Variants in AGPAT4 observed in about 807,000 individuals in gnomAD.
AGPAT4 encodes 1-acyl-sn-glycerol-3-phosphate acyltransferase delta.
A neutral mutation model predicts 48.0 loss-of-function variants in AGPAT4; 15 were observed. The observed-to-expected ratio is 0.31, with a 90% confidence interval of 0.21 to 0.48. AGPAT4 has a LOEUF of 0.48. AGPAT4 is among the 20% of genes least tolerant of loss of function. AGPAT4 has a pLI of 0.99. For missense variants in AGPAT4, 314 were observed against 482.5 expected (o/e 0.65, Z 3.27); for synonymous variants, 178 against 198.7 (o/e 0.90, Z 0.88).
At chr6:161,207,528 G>A (rs1012318788) in intron 2 of AGPAT4, among the ~76,000 whole-genome samples, 44 of 152,188 alleles carry the variant, frequency 2.9e-4, no homozygotes, top group African/African-American at 1.1e-3. Context: ...ATTTATCAGT[G>A]CCTGCAAGGT....
chr6:161,136,567 A>AGAGT lies in AGPAT4; in HGVS notation c.1106_1109dup (p.Asp371LeufsTer2). ...AGTCATTCAGTTTCTGCTTGCTGTC[A>AGAGT]GAGTTGCCGTAGGCAGAGCCCTTGT... On this transcript the variant is annotated frameshift_variant, in exon 9 of 9. Transcript: ENST00000320285. LOFTEE classifies it high-confidence loss of function. 6.2e-7 allele frequency: 1 copy of AGAGT among 1,614,190 alleles called. No homozygotes were observed. The highest frequency in any genetic ancestry group is 8.5e-7 in the Non-Finnish European group (1 of 1,180,040).
chr6:161,205,200 G>A (rs1337898790), intron 2 of AGPAT4, among the ~76,000 whole-genome samples: 1 of 152,112 alleles, frequency 6.6e-6, no homozygotes, highest in Non-Finnish European at 1.5e-5. Context: ...CTCCCTCCTG[G>A]CTGCCCCACC....
Position 161,264,463 on chromosome 6 carries a change from C to G in AGPAT4, c.-90+9475G>C, listed in dbSNP as rs953336744. Among the ~76,000 whole-genome samples, 4 of 152,212 alleles carry G rather than the reference C, an allele frequency of 2.6e-5. No individual in the cohort carries two copies. Among genetic ancestry groups the G allele is most frequent in the African/African-American group, 7.2e-5 (3 of 41,454 alleles). On this transcript the variant is annotated intron_variant, in intron 1 of 8. Transcript: ENST00000320285. The surrounding 1 kb of genome is among the most constrained non-coding windows in gnomAD (Gnocchi z 6.8). Reference sequence around the variant, plus strand: ...TGCACACTGGGACCAATACTCCCCACTTCCAGACCTAACGTGGGGGCTGTT... The same window carrying G: ...TGCACACTGGGACCAATACTCCCCAGTTCCAGACCTAACGTGGGGGCTGTT...
rs1156463420 is a variant in AGPAT4, at chr6:161,159,837, G to T, written c.349-5527C>A. ...TTTTTGTATTGTTAGTAGAGACGGG[G>T]TTTCACCATGTTGGCTAGTCTGGTC... On this transcript the variant is annotated intron_variant, in intron 3 of 8. Coordinates refer to ENST00000320285, the MANE Select transcript of AGPAT4 (RefSeq NM_020133.3). The surrounding 1 kb of genome is among the most constrained non-coding windows in gnomAD (Gnocchi z 4.1). Among the ~76,000 whole-genome samples, 1 of 151,768 alleles carries T rather than the reference G, an allele frequency of 6.6e-6. No individual in the cohort carries two copies. The highest frequency in any genetic ancestry group is 1.5e-5 in the Non-Finnish European group (1 of 67,980).
At chr6:161,176,855 A>C (rs1780444096) in intron 2 of AGPAT4, among the ~76,000 whole-genome samples, 2 of 152,146 alleles carry the variant, frequency 1.3e-5, no homozygotes, top group African/African-American at 4.8e-5. Flanking sequence ...AAAATCTCTC[A>C]GCATTTGCTT....
At chr6:161,271,102 A>G (rs1783409492) in intron 1 of AGPAT4, among the ~76,000 whole-genome samples, 1 of 152,200 alleles carries the variant, frequency 6.6e-6, no homozygotes, top group South Asian at 2.1e-4. Context: ...TCTGATTAAG[A>G]AAAACTTCTG....
rs1025609630 is a variant in AGPAT4, at chr6:161,254,081, C to T, written c.-90+19857G>A. On this transcript the variant is annotated intron_variant, in intron 1 of 8. Coordinates refer to ENST00000320285, the MANE Select transcript of AGPAT4 (RefSeq NM_020133.3). This position sits in a 1 kb window ranked among gnomAD's most constrained non-coding sequence, Gnocchi z 5.9. ...GGGGTTAGTGAGATAATAGGAAATA[C>T]TCATTTTCTTCTTTATGCTTCTCTG... 2.0e-5 allele frequency among the ~76,000 whole-genome samples: 3 copies of T among 152,160 alleles called. No homozygotes were observed. Among genetic ancestry groups the T allele is most frequent in the African/African-American group, 7.2e-5 (3 of 41,436 alleles).
chr6:161,182,552 C>T (rs1780632931), intron 2 of AGPAT4, among the ~76,000 whole-genome samples: 1 of 152,224 alleles, frequency 6.6e-6, no homozygotes, highest in African/African-American at 2.4e-5. Context: ...TCACCCCAGC[C>T]CCTTGAGGTG....
At chr6:161,160,934 C>A in intron 3 of AGPAT4, 1 of 452,722 alleles carries the variant, frequency 2.2e-6, no homozygotes, top group Non-Finnish European at 4.5e-6. Context: ...GCCCAGCACC[C>A]CAGCACCCTA....
chr6:161,138,014 A>G lies in AGPAT4; in HGVS notation c.1043-1380T>C, dbSNP rs1209250647. On this transcript the variant is annotated intron_variant, in intron 8 of 8. Transcript: ENST00000320285. The surrounding 1 kb of genome is among the most constrained non-coding windows in gnomAD (Gnocchi z 4.8). ...CTTCATCCTGAAGGGGCCCCTCTCCAAGACGGCGTGGGTGTGTGTGTGCCT... is the reference window on the plus strand; with the variant it reads ...CTTCATCCTGAAGGGGCCCCTCTCCGAGACGGCGTGGGTGTGTGTGTGCCT... 2.0e-5 allele frequency among the ~76,000 whole-genome samples: 3 copies of G among 152,124 alleles called. No homozygotes were observed. Among genetic ancestry groups the G allele is most frequent in the Admixed American group, 1.3e-4 (2 of 15,286 alleles).
At position 161,195,058 on chromosome 6, in the gene AGPAT4, G is replaced by A. The variant is rs1275011209; in HGVS notation, c.179-28641C>T. Among the ~76,000 whole-genome samples the A allele has an allele frequency of 2.0e-5, 3 of 152,166 alleles. No homozygotes were observed. The highest frequency in any genetic ancestry group is 4.4e-5 in the Non-Finnish European group (3 of 68,038). On this transcript the variant is annotated intron_variant, in intron 2 of 8. Transcript: ENST00000320285. The surrounding 1 kb of genome is among the most constrained non-coding windows in gnomAD (Gnocchi z 5.0). Reference sequence around the variant, plus strand: ...CTTGCTTAATTTCTCAAATTGTTTAGAAATATAACTGTGAAGAATACTATT... The same window carrying A: ...CTTGCTTAATTTCTCAAATTGTTTAAAAATATAACTGTGAAGAATACTATT...
In AGPAT4 at chr6:161,155,154, C is replaced by T. The variant is rs919820900; in HGVS notation, c.349-844G>A. Among the ~76,000 whole-genome samples, 1 of 152,168 alleles carries T rather than the reference C, an allele frequency of 6.6e-6. No homozygotes were observed. The highest frequency in any genetic ancestry group is 2.4e-5 in the African/African-American group (1 of 41,440). On this transcript the variant is annotated intron_variant, in intron 3 of 8. Transcript: ENST00000320285. This position sits in a 1 kb window ranked among gnomAD's most constrained non-coding sequence, Gnocchi z 5.8. ...GGGGAGTCTCAGGGCAGTCCTGGGT[C>T]CCCAGGGCTCGGTGTGGCCCTCCCC... is the stretch of plus-strand genomic sequence containing the variant.
rs1310317412 is a variant in AGPAT4, at chr6:161,245,497, A to G, written c.-89-13195T>C. ...TAAGCACCCTAGAGGGATCGCCAGGAGTAGAGCTCAGAGGAAGCACTCTGC... is the reference window on the plus strand; with the variant it reads ...TAAGCACCCTAGAGGGATCGCCAGGGGTAGAGCTCAGAGGAAGCACTCTGC... On this transcript the variant is annotated intron_variant, in intron 1 of 8. Transcript: ENST00000320285. The surrounding 1 kb of genome is among the most constrained non-coding windows in gnomAD (Gnocchi z 5.2). 6.6e-6 allele frequency among the ~76,000 whole-genome samples: 1 copy of G among 152,180 alleles called. No individual in the cohort carries two copies. Among genetic ancestry groups the G allele is most frequent in the South Asian group, 2.1e-4 (1 of 4,826 alleles).
In AGPAT4 at chr6:161,268,455, C is replaced by A. The variant is rs905477745; in HGVS notation, c.-90+5483G>T. Among the ~76,000 whole-genome samples, 3 of 152,178 alleles carry A rather than the reference C, an allele frequency of 2.0e-5. No homozygotes were observed. The East Asian group carries it at 5.8e-4, about 29-fold the overall frequency. ...TACTGACCCATCCTCTAAGTTCCCT[C>A]CCCTCACCCCACTCTCCAACAGGCC... On this transcript the variant is annotated intron_variant, in intron 1 of 8. Transcript: ENST00000320285.
At position 161,181,465 on chromosome 6, in the gene AGPAT4, C is replaced by G. The variant is rs1053832787; in HGVS notation, c.179-15048G>C. Among the ~76,000 whole-genome samples, 3 of 149,472 alleles carry G rather than the reference C, an allele frequency of 2.0e-5. No homozygotes were observed. The South Asian group carries it at 6.3e-4, about 31-fold the overall frequency. ...TCACACCCATACTTCCAGGAAACCT[C>G]CCCTGGGTATTAGGCCATGCAGACA... On this transcript the variant is annotated intron_variant, in intron 2 of 8. Coordinates refer to ENST00000320285, the MANE Select transcript of AGPAT4 (RefSeq NM_020133.3).
At chr6:161,176,754 G>A (rs1780441631) in intron 2 of AGPAT4, among the ~76,000 whole-genome samples, 1 of 152,180 alleles carries the variant, frequency 6.6e-6, no homozygotes, top group Non-Finnish European at 1.5e-5. Flanking sequence ...TTTACAATTT[G>A]GCATGTTTTT....
In AGPAT4 at chr6:161,215,111, GAT is replaced by G. The variant is rs1781609826; in HGVS notation, c.178+16923_178+16924del. Among the ~76,000 whole-genome samples, 1 of 152,164 alleles carries G rather than the reference GAT, an allele frequency of 6.6e-6. No individual in the cohort carries two copies. Among genetic ancestry groups the G allele is most frequent in the African/African-American group, 2.4e-5 (1 of 41,424 alleles). On this transcript the variant is annotated intron_variant, in intron 2 of 8. Transcript: ENST00000320285. This position sits in a 1 kb window ranked among gnomAD's most constrained non-coding sequence, Gnocchi z 4.5. ...TTAAATACCCCATAGAGACTGTCTAGATGCTTCACATTTCTATAGGCTTGAGT... is the reference window on the plus strand; with the variant it reads ...TTAAATACCCCATAGAGACTGTCTAGGCTTCACATTTCTATAGGCTTGAGT...
intron 1 of AGPAT4, among the ~76,000 whole-genome samples, chr6:161,265,970 A>G (rs1424823317): frequency 1.3e-5 from 2 of 152,164 alleles, no homozygotes; most frequent in African/African-American, 2.4e-5. Context: ...TTAGGACCCT[A>G]TTAGTCCTCA....
chr6:161,247,035 G>C (rs372319871), intron 1 of AGPAT4, among the ~76,000 whole-genome samples: 8 of 152,218 alleles, frequency 5.3e-5, no homozygotes, highest in African/African-American at 1.9e-4. Context: ...TTTACATGCT[G>C]TAAGCAGCCA....
Sources: allele counts gnomAD v4.1 joint callset (sites outside exome capture counted in the v4.1 genomes callset), GRCh38; gene constraint gnomAD v4.1.1; non-coding constraint Gnocchi (gnomAD v3.1); transcripts MANE v1.5; gene names NCBI Gene and HGNC (gene_info 2026-07-23, HGNC 2026-07-21).